The following PCDHA5 variants were observed in gnomAD, a reference collection of about 807,000 sequenced individuals.
PCDHA5 encodes protocadherin alpha 5.
In PCDHA5, 43 loss-of-function variants were observed where a neutral mutation model predicts 61.6. The observed-to-expected ratio is 0.70, with a 90% confidence interval of 0.55 to 0.90. The LOEUF (loss-of-function observed/expected upper bound fraction) is 0.90. PCDHA5 is among the 40% of genes least tolerant of loss of function. PCDHA5 has a pLI of 0.00. For synonymous variants in PCDHA5, 627 were observed against 543.9 expected, an observed-to-expected ratio of 1.15 and a Z score of -2.13; for missense variants, 1,298 against 1,222.7, an observed-to-expected ratio of 1.06 and a Z score of -0.92.
At chr5:140,877,525 G>A (rs1562735759) in intron 1 of PCDHA5, 7 of 1,613,804 alleles carry the variant, frequency 4.3e-6, no homozygotes, top group Non-Finnish European at 5.9e-6. Flanking sequence ...GGCCTCAGTG[G>A]GCGCTGTGGA....
chr5:140,972,479 C>T (rs782631191), intron 1 of PCDHA5, among the ~76,000 whole-genome samples: 1 of 151,994 alleles, frequency 6.6e-6, no homozygotes, highest in Non-Finnish European at 1.5e-5. Flanking sequence ...CAGCATTTAA[C>T]CCCAGACTCT....
chr5:140,848,486 A>G lies in PCDHA5; in HGVS notation c.2352+24359A>G. On this transcript the variant is annotated intron_variant, in intron 1 of 3. Transcript: ENST00000529859. Reference sequence around the variant, plus strand: ...ATTTTCACTAATTAGAAGAAGACTGAGTATTTGAAATGTTATACTCAAGTC... The same window carrying G: ...ATTTTCACTAATTAGAAGAAGACTGGGTATTTGAAATGTTATACTCAAGTC... 1.3e-6 allele frequency: 2 copies of G among 1,572,848 alleles called. 1 individual carries two copies.
chr5:140,841,175 A>C, intron 1 of PCDHA5: 2 of 1,071,562 alleles, frequency 1.9e-6, no homozygotes, highest in Non-Finnish European at 2.7e-6. Context: ...CTGGTTGGTC[A>C]ATGTTCAAAG....
At chr5:140,832,869 C>T (rs1354245484) in intron 1 of PCDHA5, among the ~76,000 whole-genome samples, 1 of 152,030 alleles carries the variant, frequency 6.6e-6, no homozygotes, top group Non-Finnish European at 1.5e-5. Flanking sequence ...TGATGTTTTA[C>T]TGGTTATAAA....
At chr5:140,846,890 G>A (rs1554141524) in intron 1 of PCDHA5, among the ~76,000 whole-genome samples, 3 of 149,570 alleles carry the variant, frequency 2.0e-5, no homozygotes, top group South Asian at 2.1e-4. Context: ...TCAGAATGAC[G>A]TTGAAGTTGA....
At chr5:140,833,462 C>G (rs1291648288) in intron 1 of PCDHA5, among the ~76,000 whole-genome samples, 2 of 152,102 alleles carry the variant, frequency 1.3e-5, no homozygotes, top group Non-Finnish European at 2.9e-5. Context: ...AATAAACTTA[C>G]ATTTTAAAAG....
In PCDHA5 at chr5:140,837,615, CCCTT is replaced by C. The variant is rs2150277487; in HGVS notation, c.2352+13505_2352+13508del. Among the ~76,000 whole-genome samples, 57 of 145,918 alleles carry C rather than the reference CCCTT, an allele frequency of 3.9e-4. 2 individuals carry two copies. Among genetic ancestry groups the C allele is most frequent in the South Asian group, 6.5e-4 (3 of 4,612 alleles). On this transcript the variant is annotated intron_variant, in intron 1 of 3. Coordinates refer to ENST00000529859, the MANE Select transcript of PCDHA5 (RefSeq NM_018908.3). ...CCAATATATATATTTTATAATTTGC[CCCTT>C]CCTTCCTTCCTTCCTTTCTTTCTTT...
intron 1 of PCDHA5, chr5:140,830,271 C>A (rs2150183888): frequency 2.5e-6 from 4 of 1,613,702 alleles, no homozygotes; most frequent in East Asian, 2.2e-5. Flanking sequence ...TCGGCGCCAC[C>A]CACCGAGGGC....
At chr5:140,828,161 T>A in intron 1 of PCDHA5, 2 of 1,614,176 alleles carry the variant, frequency 1.2e-6, no homozygotes, top group Non-Finnish European at 1.7e-6. Flanking sequence ...CCTCGCAGCC[T>A]GGAAGGTGGG....
At chr5:140,862,678 C>T (rs1490436756) in intron 1 of PCDHA5, 1 of 550,784 alleles carries the variant, frequency 1.8e-6, no homozygotes, top group Non-Finnish European at 3.6e-6. Context: ...GGAGAACGTG[C>T]TGGTGTCCTA....
intron 3 of PCDHA5, among the ~76,000 whole-genome samples, chr5:141,001,297 A>G (rs1367498675): frequency 1.3e-5 from 2 of 152,202 alleles, no homozygotes; most frequent in African/African-American, 2.4e-5. Context: ...ACTGAGGCCC[A>G]GAGATATGAA....
intron 1 of PCDHA5, chr5:140,842,531 T>G: frequency 6.2e-7 from 1 of 1,613,052 alleles, no homozygotes; most frequent in Non-Finnish European, 8.5e-7. Flanking sequence ...CTTCAAGAAT[T>G]ACTACTCGTT....
chr5:140,967,793 G>A (rs1447753881), intron 1 of PCDHA5: 24 of 1,614,080 alleles, frequency 1.5e-5, no homozygotes, highest in Non-Finnish European at 1.9e-5. Flanking sequence ...CCGGGGTCCA[G>A]TGCCCATGGC....
chr5:140,961,970 G>A (rs1282918892), intron 1 of PCDHA5, among the ~76,000 whole-genome samples: 1 of 150,888 alleles, frequency 6.6e-6, no homozygotes, highest in Non-Finnish European at 1.5e-5. Flanking sequence ...TGCAACCTCC[G>A]CCTCCTGGGT....
At chr5:140,858,839 C>T (rs1306924023) in intron 1 of PCDHA5, 1 of 317,040 alleles carries the variant, frequency 3.2e-6, no homozygotes, top group Non-Finnish European at 5.9e-6. Context: ...CCAAAAAATT[C>T]CACTGATCTA....
Position 140,823,750 on chromosome 5 carries a change from A to T in PCDHA5, c.1975A>T (p.Thr659Ser), listed in dbSNP as rs2150128815. ...LVKDHGEPPL[T>S]ATATVLVSLV... Reference sequence around the variant, plus strand: ...GAAGGACCATGGAGAGCCCCCGCTGACAGCCACAGCCACAGTGCTGGTGTC... The same window carrying T: ...GAAGGACCATGGAGAGCCCCCGCTGTCAGCCACAGCCACAGTGCTGGTGTC... Residue 659 changes from threonine to serine, a missense_variant, in exon 1 of 4, where the codon ACA (threonine) becomes TCA (serine). Physicochemically the swap from Thr to Ser is moderately conservative, Grantham distance 58 (BLOSUM62 1). Transcript: ENST00000529859. The T allele has an allele frequency of 5.0e-6, 8 of 1,613,666 alleles. No individual in the cohort carries two copies. Among genetic ancestry groups the T allele is most frequent in the Non-Finnish European group, 6.8e-6 (8 of 1,179,934 alleles).
chr5:140,869,779 G>A (rs1554163444), intron 1 of PCDHA5: 4 of 1,612,766 alleles, frequency 2.5e-6, no homozygotes, highest in Non-Finnish European at 3.4e-6. Flanking sequence ...TACTGGCACC[G>A]TTCGGCTGTT....
chr5:140,865,517 T>C (rs1562593227), intron 1 of PCDHA5: 1 of 152,232 alleles, frequency 6.6e-6, no homozygotes, highest in African/African-American at 2.4e-5. Context: ...TTTATGGTGC[T>C]GGAATTCTCT....
chr5:140,923,305 G>A (rs552769255), intron 1 of PCDHA5, among the ~76,000 whole-genome samples: 3 of 152,304 alleles, frequency 2.0e-5, no homozygotes, highest in South Asian at 2.1e-4. Context: ...GGGCGTGGGG[G>A]CGCTTGGCCT....
Sources: allele counts gnomAD v4.1 joint callset (sites outside exome capture counted in the v4.1 genomes callset), GRCh38; gene constraint gnomAD v4.1.1; transcripts MANE v1.5; gene names NCBI Gene and HGNC (gene_info 2026-07-23, HGNC 2026-07-21).